Variants in AFG3L2 observed in about 807,000 individuals in gnomAD.
AFG3L2 encodes mitochondrial inner membrane m-AAA protease component AFG3L2.
Under a neutral mutation model 94.5 loss-of-function variants are expected in AFG3L2, and 54 were observed. That is an observed-to-expected ratio of 0.57 (90% confidence interval 0.46 to 0.72). AFG3L2 has a LOEUF of 0.72. AFG3L2 is among the 30% of genes least tolerant of loss of function. AFG3L2 has a pLI of 0.00. For missense variants in AFG3L2, 754 were observed against 994.9 expected, an observed-to-expected ratio of 0.76 and a Z score of 3.26; for synonymous variants, 377 against 365.5, an observed-to-expected ratio of 1.03 and a Z score of -0.36.
chr18:12,376,055 T>C (rs187747104), intron 1 of AFG3L2, among the ~76,000 whole-genome samples: 205 of 152,316 alleles, frequency 1.3e-3, no homozygotes, highest in African/African-American at 3.9e-3. Context: ...TTCCAACTCC[T>C]GGAGTCAAGC....
chr18:12,335,767 T>TCCTGGACCACTCTGC (rs1238445301), intron 16 of AFG3L2, among the ~76,000 whole-genome samples: 2 of 152,170 alleles, frequency 1.3e-5, no homozygotes, highest in Admixed American at 6.5e-5. Flanking sequence ...TGCAGAGCCG[T>TCCTGGACCACTCTGC]CCTGGACCAC....
chr18:12,342,567 C>T (rs748868880), intron 14 of AFG3L2: 3 of 152,158 alleles, frequency 2.0e-5, no homozygotes, highest in Non-Finnish European at 4.4e-5. Flanking sequence ...CACCTATCAA[C>T]GTTTTCTTTT....
intron 8 of AFG3L2, among the ~76,000 whole-genome samples, chr18:12,357,985 T>C (rs1203979317): frequency 6.8e-6 from 1 of 147,634 alleles, no homozygotes; most frequent in Non-Finnish European, 1.5e-5. Flanking sequence ...AAAATATGAC[T>C]TTTTATCTAT....
chr18:12,366,660 C>A (rs1908816816), intron 5 of AFG3L2, among the ~76,000 whole-genome samples: 1 of 152,096 alleles, frequency 6.6e-6, no homozygotes, highest in South Asian at 2.1e-4. Context: ...AGAGCAGGGG[C>A]AGCTGAGGGC....
chr18:12,348,341 G>C lies in AFG3L2; in HGVS notation c.1595C>G (p.Ala532Gly). ...TATGGAATCTGACAGATGCCTTGCA[G>C]CAATCAACGCAGCTTCATTACAGAC... ...ANVCNEAALIAARHLSDSINQ... is the reference protein window; with the variant it reads ...ANVCNEAALIGARHLSDSINQ... The change falls in exon 13 of 17, where the codon GCT (alanine) becomes GGT (glycine). Residue 532 changes from alanine (A) to glycine (G), a missense_variant. Coordinates refer to ENST00000269143, the MANE Select transcript of AFG3L2 (RefSeq NM_006796.3). 6.2e-7 allele frequency: 1 copy of C among 1,614,108 alleles called. No individual in the cohort carries two copies. Among genetic ancestry groups the C allele is most frequent in the East Asian group, 2.2e-5 (1 of 44,872 alleles).
rs866024836 is a variant in AFG3L2 at position 12,353,700 on chromosome 18, A to G, written c.1165-542T>C. On this transcript the variant is annotated intron_variant, in intron 9 of 16. Transcript: ENST00000269143. ...TGAGCAAATCTTTCTCAGATCCCAT[A>G]AATTACTGTATATGTAATAAACACT... 2.6e-5 allele frequency among the ~76,000 whole-genome samples: 4 copies of G among 152,274 alleles called. No individual in the cohort carries two copies. The South Asian group carries it at 6.2e-4, about 24-fold the overall frequency.
In AFG3L2 at chr18:12,329,414, A is replaced by C; in HGVS notation, c.*151T>G. 1 of 842,520 alleles carries C rather than the reference A, an allele frequency of 1.2e-6. No homozygotes were observed. The highest frequency in any genetic ancestry group is 1.4e-5 in the South Asian group (1 of 70,576). The allele number at this position is 842,520 out of a possible 1,614,324, so 52.2% of individuals were successfully genotyped here. ...CACCCACTGTGACCTCTGAGGCTGA[A>C]AGGACTAAGGACTCCTTTCCCCATC... On this transcript the variant is annotated 3_prime_UTR_variant, in exon 17 of 17. Transcript: ENST00000269143.
intron 9 of AFG3L2, 89 bp downstream of exon 9, chr18:12,356,605 G>C: frequency 3.2e-6 from 5 of 1,583,326 alleles, no homozygotes; most frequent in East Asian, 2.2e-5. Flanking sequence ...AGCACTCTAG[G>C]GGGAAGGGCC....
Position 12,337,330 on chromosome 18 carries a change from C to T in AFG3L2, c.2175+11G>A. The T allele has an allele frequency of 6.2e-7, 1 of 1,612,794 alleles. No homozygotes were observed. On this transcript the variant is annotated intron_variant, in intron 16 of 16. Coordinates refer to ENST00000269143, the MANE Select transcript of AFG3L2 (RefSeq NM_006796.3). ...AAACTGTAAAGAATTATTCCCACAACTGGCACCTACCTTCTCCACGTCAGC... is the reference window on the plus strand; with the variant it reads ...AAACTGTAAAGAATTATTCCCACAATTGGCACCTACCTTCTCCACGTCAGC...
intron 13 of AFG3L2, among the ~76,000 whole-genome samples, chr18:12,346,419 A>G (rs1908138434): frequency 6.6e-6 from 1 of 152,054 alleles, no homozygotes; most frequent in South Asian, 2.1e-4. Flanking sequence ...ATTCTCTACG[A>G]GCCAGCTGCC....
At chr18:12,337,677 A>G in intron 15 of AFG3L2, 142 bp from the exon 16 acceptor site, 1 of 747,724 alleles carries the variant, frequency 1.3e-6, no homozygotes. Context: ...CAGTGCTTTA[A>G]ACTCATGACT....
At chr18:12,347,707 T>C (rs1325746329) in intron 13 of AFG3L2, among the ~76,000 whole-genome samples, 3 of 152,070 alleles carry the variant, frequency 2.0e-5, no homozygotes, top group African/African-American at 4.8e-5. Context: ...CGAGCCACCA[T>C]GCCTGGCTAA....
chr18:12,354,764 C>A (rs1297304419), intron 9 of AFG3L2, among the ~76,000 whole-genome samples: 1 of 151,844 alleles, frequency 6.6e-6, no homozygotes, highest in African/African-American at 2.4e-5. Flanking sequence ...ACCCACCAGG[C>A]CCACCCTTCC....
At chr18:12,347,452 G>T (rs1020132260) in intron 13 of AFG3L2, among the ~76,000 whole-genome samples, 1 of 152,220 alleles carries the variant, frequency 6.6e-6, no homozygotes, top group African/African-American at 2.4e-5. Context: ...AAGCCCTATG[G>T]AATGCTAAGA....
intron 1 of AFG3L2, among the ~76,000 whole-genome samples, chr18:12,375,860 G>T (rs959171008): frequency 8.7e-5 from 13 of 149,990 alleles, no homozygotes; most frequent in Admixed American, 6.0e-4. Context: ...AATCAACCAC[G>T]GTGCTGTAGT....
intron 14 of AFG3L2, 106 bp from the exon 15 acceptor site, chr18:12,340,507 C>T: frequency 1.1e-6 from 1 of 892,864 alleles, no homozygotes; most frequent in Admixed American, 1.8e-5. Flanking sequence ...AGCACAACAG[C>T]CGCACAGTTC....
chr18:12,360,959 C>G (rs2143199315), intron 6 of AFG3L2, among the ~76,000 whole-genome samples: 1 of 152,328 alleles, frequency 6.6e-6, no homozygotes, highest in Admixed American at 6.5e-5. Context: ...GACCCCATTT[C>G]AAGCACTGTG....
chr18:12,337,473 C>G lies in AFG3L2; in HGVS notation c.2043G>C (p.Gly681=). The G allele has an allele frequency of 6.2e-7, 1 of 1,614,214 alleles. No individual in the cohort carries two copies. The highest frequency in any genetic ancestry group is 8.5e-7 in the Non-Finnish European group (1 of 1,180,036). ...TGTAAGGTTTCTCCAATACCATGTC[C>G]CCCTGACGTGGGAGGTCAAAGGAGA... is the stretch of plus-strand genomic sequence containing the variant. ...GQISFDLPRQ[G]DMVLEKPYSE... is the part of the protein sequence containing the mutation. Residue 681 remains glycine, a synonymous_variant, in exon 16 of 17, where the codon GGG becomes GGC. Coordinates refer to ENST00000269143, the MANE Select transcript of AFG3L2 (RefSeq NM_006796.3).
chr18:12,339,836 G>A (rs558584421), intron 15 of AFG3L2, among the ~76,000 whole-genome samples: 3 of 140,082 alleles, frequency 2.1e-5, no homozygotes, highest in Non-Finnish European at 4.6e-5. Flanking sequence ...GCAAGAGTGC[G>A]AGGCTCAGTC....
Sources: gnomAD v4.1 joint callset for allele counts (sites outside exome capture counted in the v4.1 genomes callset) on GRCh38, gnomAD v4.1.1 for gene constraint, MANE v1.5 for transcripts, NCBI Gene and HGNC (gene_info 2026-07-23, HGNC 2026-07-21) for gene names.